Variants in NEK5 observed in about 807,000 individuals in gnomAD.
NEK5 encodes serine/threonine-protein kinase Nek5.
In NEK5, 88 loss-of-function variants were observed where a neutral mutation model predicts 109.2. The observed-to-expected ratio is 0.81, with a 90% CI of 0.68 to 0.96. NEK5 has a LOEUF of 0.96. Ranked by LOEUF, NEK5 falls within the 40% of genes least tolerant of loss-of-function variation. The pLI, the probability that NEK5 is intolerant of heterozygous loss-of-function variation, is 0.00. For synonymous variants in NEK5, 283 were observed against 299.9 expected (o/e 0.94, Z 0.58); for missense variants, 834 against 920.7 (o/e 0.91, Z 1.22).
At chr13:52,081,789 T>A (rs1955018583) in intron 17 of NEK5, among the ~76,000 whole-genome samples, 2 of 152,224 alleles carry the variant, frequency 1.3e-5, no homozygotes, top group Admixed American at 1.3e-4. Context: ...ATTACCTGAC[T>A]TATTAAAAAC....
chr13:52,061,798 T>C (rs1450539981), intron 22 of NEK5, 21 bp downstream of exon 22: 13 of 974,934 alleles, frequency 1.3e-5, no homozygotes, highest in Non-Finnish European at 1.6e-5. Context: ...CTGGTTATGT[T>C]GTTAAAAATA....
chr13:52,126,958 G>A (rs1183556811), intron 3 of NEK5, among the ~76,000 whole-genome samples: 1 of 152,184 alleles, frequency 6.6e-6, no homozygotes, highest in Non-Finnish European at 1.5e-5. Flanking sequence ...GGCAACAGAG[G>A]AGGCTGGCAT....
chr13:52,121,253 A>T (rs1299060126), intron 3 of NEK5, among the ~76,000 whole-genome samples: 1 of 150,192 alleles, frequency 6.7e-6, no homozygotes, highest in Non-Finnish European at 1.5e-5. Context: ...CTGCCCACTG[A>T]GCTCAAGTGA....
chr13:52,078,027 T>C (rs1183531586), intron 17 of NEK5, among the ~76,000 whole-genome samples: 1 of 151,990 alleles, frequency 6.6e-6, no homozygotes, highest in African/African-American at 2.4e-5. Flanking sequence ...TGAACTGAGA[T>C]TGTGCCATTG....
rs1429267670 is a variant in NEK5, at chr13:52,079,830, G to A, written c.1572+3430C>T. On this transcript the variant is annotated intron_variant, in intron 17 of 23. Coordinates refer to ENST00000684899, the MANE Select transcript of NEK5 (RefSeq NM_001365552.1). ...GGAAAGTGAGGAGCGTCTCTGCCCC[G>A]CCGCCATCCCATCTAGGAAGTGAGG... 5.3e-5 allele frequency among the ~76,000 whole-genome samples: 8 copies of A among 151,696 alleles called. No homozygotes were observed. The East Asian group carries it at 9.8e-4, about 19-fold the overall frequency.
chr13:52,128,855 ATAGAGACCGACG>A (rs1311208253), intron 1 of NEK5, 162 bp downstream of exon 1: 2 of 152,398 alleles, frequency 1.3e-5, no homozygotes, highest in African/African-American at 4.8e-5. Context: ...GAGCGTTGCC[ATAGAGACCGACG>A]CGCCCTGGAC....
chr13:52,038,891 G>A (rs183990652), intron 23 of NEK5, among the ~76,000 whole-genome samples: 1 of 150,238 alleles, frequency 6.7e-6, no homozygotes, highest in Admixed American at 6.7e-5. Context: ...GCCTAACTCC[G>A]AAAGGAATGG....
chr13:52,066,084 G>C (rs1954686782), intron 20 of NEK5, among the ~76,000 whole-genome samples: 1 of 151,690 alleles, frequency 6.6e-6, no homozygotes. Flanking sequence ...TTCTGCATAT[G>C]GTTTTTGCTT....
rs143577356 is a variant in NEK5 at position 52,065,517 on chromosome 13, C to T, written c.1942G>A (p.Asp648Asn). 2.5e-5 allele frequency: 40 copies of T among 1,613,544 alleles called. No homozygotes were observed. Among genetic ancestry groups the T allele is most frequent in the Admixed American group, 8.3e-5 (5 of 60,006 alleles). The change falls in exon 21 of 24, where the codon GAC becomes AAC. Residue 648 changes from aspartate (D) to asparagine (N), a missense_variant. Coordinates refer to ENST00000684899, the MANE Select transcript of NEK5 (RefSeq NM_001365552.1). Reference protein sequence around the residue: ...QTLLQMMAVADITSTCPTGPD... With the variant: ...QTLLQMMAVANITSTCPTGPD... ...CCCGTGGGGCAGGTGGAGGTGATGT[C>T]GGCCACTGCCATCATCTGCAGCAGA... is the stretch of plus-strand genomic sequence containing the variant.
chr13:52,119,499 C>A, intron 3 of NEK5, 84 bp from the exon 4 acceptor site: 2 of 621,912 alleles, frequency 3.2e-6, no homozygotes, highest in Non-Finnish European at 5.5e-6. Context: ...ATCTAAAATT[C>A]TCTAGGATTT....
At chr13:52,092,939 G>T in intron 13 of NEK5, 115 bp downstream of exon 13, 1 of 709,550 alleles carries the variant, frequency 1.4e-6, no homozygotes, top group Non-Finnish European at 2.3e-6. Context: ...ATGAAGATTT[G>T]GAAAGTTCTT....
At chr13:52,050,873 C>A (rs1432031159) in intron 22 of NEK5, among the ~76,000 whole-genome samples, 1 of 151,686 alleles carries the variant, frequency 6.6e-6, no homozygotes, top group Admixed American at 6.6e-5. Flanking sequence ...GCACATGCCA[C>A]CACACCTGGC....
chr13:52,074,831 C>G (rs1954839077), intron 19 of NEK5, among the ~76,000 whole-genome samples: 1 of 152,104 alleles, frequency 6.6e-6, no homozygotes, highest in African/African-American at 2.4e-5. Context: ...AGAGACACTT[C>G]TCAAAAGAAG....
intron 16 of NEK5, 39 bp from the exon 17 acceptor site, chr13:52,083,391 T>G (rs563400090): frequency 7.6e-7 from 1 of 1,307,652 alleles, no homozygotes; most frequent in African/African-American, 1.4e-5. Flanking sequence ...AGATTGGTTC[T>G]GAGTGAGCTC....
rs774594755 is a variant in NEK5, at chr13:52,091,210, G to T, written c.1208+1844C>A. ...GCTTGGGAGATATAAAATCACATGTGGTCAAAATAATTGATAGCTTGACAG... is the reference window on the plus strand; with the variant it reads ...GCTTGGGAGATATAAAATCACATGTTGTCAAAATAATTGATAGCTTGACAG... On this transcript the variant is annotated intron_variant, in intron 13 of 23. Coordinates refer to ENST00000684899, the MANE Select transcript of NEK5 (RefSeq NM_001365552.1). Among the ~76,000 whole-genome samples the T allele has an allele frequency of 2.6e-4, 39 of 152,006 alleles. 1 individual carries two copies. The highest frequency in any genetic ancestry group is 6.6e-5 in the Admixed American group (1 of 15,250).
chr13:52,043,382 C>T (rs1018954385), intron 23 of NEK5, among the ~76,000 whole-genome samples: 11 of 151,160 alleles, frequency 7.3e-5, no homozygotes, highest in African/African-American at 2.7e-4. Context: ...ACTAAAAATA[C>T]AAAAATTAGC....
chr13:52,063,066 C>T (rs1053685752), intron 21 of NEK5, among the ~76,000 whole-genome samples: 10 of 150,496 alleles, frequency 6.6e-5, no homozygotes, highest in East Asian at 3.9e-4. Flanking sequence ...CCCCACGGTC[C>T]CCCTCTCCCC....
chr13:52,041,728 CAAA>C (rs60216367), intron 23 of NEK5, among the ~76,000 whole-genome samples: 3 of 48,116 alleles, frequency 6.2e-5, no homozygotes, highest in East Asian at 7.0e-4. Flanking sequence ...AACTCTGTCT[CAAA>C]AAAAAAAAAA....
chr13:52,066,054 T>A (rs987038969), intron 20 of NEK5, among the ~76,000 whole-genome samples: 1 of 152,130 alleles, frequency 6.6e-6, no homozygotes, highest in Non-Finnish European at 1.5e-5. Context: ...CCAGAGACTA[T>A]AATAATTTCA....
Sources: gnomAD v4.1 joint callset for allele counts (sites outside exome capture counted in the v4.1 genomes callset) on GRCh38, gnomAD v4.1.1 for gene constraint, MANE v1.5 for transcripts, NCBI Gene and HGNC (gene_info 2026-07-23, HGNC 2026-07-21) for gene names.